Variants in HSF5 observed in about 807,000 individuals in gnomAD.
HSF5 encodes heat shock transcription factor 5.
A neutral mutation model predicts 50.8 loss-of-function variants in HSF5; 5 were observed. The ratio of observed to expected loss-of-function variants is 0.10; its 90% CI spans 0.05 to 0.21. HSF5 has a LOEUF of 0.21. Ranked by LOEUF, HSF5 falls within the 10% of genes least tolerant of loss-of-function variation. The pLI is 1.00. For missense variants in HSF5, 564 were observed against 762.6 expected (o/e 0.74, Z 3.07); for synonymous variants, 307 against 307.4 (o/e 1.00, Z 0.02).
chr17:58,449,544 G>T (rs1974605806), intron 5 of HSF5, among the ~76,000 whole-genome samples: 1 of 150,518 alleles, frequency 6.6e-6, no homozygotes, highest in African/African-American at 2.4e-5. Flanking sequence ...TACAAAACCT[G>T]CAAAAATTAG....
At chr17:58,425,515 G>C (rs1360379152) in intron 5 of HSF5, among the ~76,000 whole-genome samples, 1 of 127,888 alleles carries the variant, frequency 7.8e-6, no homozygotes, top group Non-Finnish European at 1.6e-5. Context: ...AGTGTCCTAT[G>C]ATTGCATCTG....
At chr17:58,423,771 G>A (rs915809466) in intron 5 of HSF5, among the ~76,000 whole-genome samples, 2 of 151,738 alleles carry the variant, frequency 1.3e-5, no homozygotes, top group African/African-American at 2.4e-5. Flanking sequence ...GAGCCACTGC[G>A]CCCGGCCCAG....
chr17:58,459,022 G>T, intron 4 of HSF5, 77 bp from the exon 5 acceptor site: 1 of 1,277,984 alleles, frequency 7.8e-7, no homozygotes, highest in Non-Finnish European at 1.1e-6. Flanking sequence ...TATCAGAGGA[G>T]TTCTATTATG....
chr17:58,466,828 A>C, intron 3 of HSF5, 57 bp downstream of exon 3: 51 of 970,898 alleles, frequency 5.3e-5, no homozygotes, highest in Non-Finnish European at 7.4e-5. Context: ...AAATTTTGCA[A>C]TATCGATAAA....
rs1974812315 is a variant in HSF5, at chr17:58,462,912, T to G, written c.1412A>C (p.Glu471Ala). The change falls in exon 4 of 6, where the codon GAA (glutamate) becomes GCA (alanine). Residue 471 changes from glutamate (E) to alanine (A), a missense_variant. Glu to Ala is a moderately radical substitution (Grantham distance 107). This residue lies in a region of HSF5 where 441 missense variants were observed against 533.6 expected (regional missense o/e 0.83). Coordinates refer to ENST00000323777, the MANE Select transcript of HSF5 (RefSeq NM_001080439.3). ...TGCAGATTCCTGTATTGTGCTATTT[T>G]CAACAGGCTGAGCTGTGTGGATGGT... Reference protein sequence around the residue: ...IYTIHTAQPVENSTIQESAAI... With the variant: ...IYTIHTAQPVANSTIQESAAI... The G allele has an allele frequency of 6.2e-7, 1 of 1,614,086 alleles. No individual in the cohort carries two copies. The highest frequency in any genetic ancestry group is 1.1e-5 in the South Asian group (1 of 91,090).
chr17:58,424,563 G>C (rs1388074579), intron 5 of HSF5, among the ~76,000 whole-genome samples: 1 of 149,490 alleles, frequency 6.7e-6, no homozygotes, highest in East Asian at 2.0e-4. Context: ...AGTGAGCCAA[G>C]ATGGAGCCAC....
intron 5 of HSF5, among the ~76,000 whole-genome samples, chr17:58,430,023 A>G (rs1051689481): frequency 2.0e-5 from 3 of 152,140 alleles, no homozygotes; most frequent in Non-Finnish European, 4.4e-5. Flanking sequence ...AGAAATACCT[A>G]GAAATCTGGT....
Position 58,487,788 on chromosome 17 carries a change from C to A in HSF5, c.487G>T (p.Ala163Ser). 1.3e-6 allele frequency: 2 copies of A among 1,507,032 alleles called. No individual in the cohort carries two copies. The highest frequency in any genetic ancestry group is 1.8e-6 in the Non-Finnish European group (2 of 1,137,128). The allele number at this position is 1,507,032 out of a possible 1,614,324, so 93.4% of individuals were successfully genotyped here. The change falls in exon 1 of 6, where the codon GCC (alanine) becomes TCC (serine). Residue 163 changes from alanine (A) to serine (S), a missense_variant. Ala to Ser is a moderately conservative substitution (Grantham distance 99). Around this residue, in one of 5 missense-constraint regions of HSF5, gnomAD observed 441 missense variants for 533.6 expected, o/e 0.83. Coordinates refer to ENST00000323777, the MANE Select transcript of HSF5 (RefSeq NM_001080439.3). The stretch of plus-strand genomic sequence containing the variant: ...TGCTGGTGCTGCAGTGGCGCGGTGG[C>A]GGCGGAGGCCGAGGTGATGAGCAGC... ...QRLLITSASA[A>S]TAPLQHQQPP...
chr17:58,446,173 A>G (rs1210132648), intron 5 of HSF5, among the ~76,000 whole-genome samples: 1 of 150,912 alleles, frequency 6.6e-6, no homozygotes, highest in Non-Finnish European at 1.5e-5. Flanking sequence ...AATGGGGCAG[A>G]GGCAGAGCAA....
chr17:58,474,318 C>A (rs1186991761), intron 2 of HSF5, among the ~76,000 whole-genome samples: 1 of 152,116 alleles, frequency 6.6e-6, no homozygotes, highest in Non-Finnish European at 1.5e-5. Context: ...CTTCAGAATG[C>A]TCAAAGTAGT....
intron 5 of HSF5, among the ~76,000 whole-genome samples, chr17:58,452,430 C>T (rs1974653768): frequency 1.3e-5 from 2 of 152,176 alleles, no homozygotes; most frequent in Admixed American, 6.5e-5. Flanking sequence ...TTCCTGAACA[C>T]ATAAAATGTA....
chr17:58,430,498 C>T (rs1397430819), intron 5 of HSF5, among the ~76,000 whole-genome samples: 1 of 152,126 alleles, frequency 6.6e-6, no homozygotes, highest in African/African-American at 2.4e-5. Context: ...GCCAGGGGCC[C>T]AGAGAGAACA....
At chr17:58,425,338 G>A (rs988116252) in intron 5 of HSF5, among the ~76,000 whole-genome samples, 3 of 151,744 alleles carry the variant, frequency 2.0e-5, no homozygotes, top group Non-Finnish European at 2.9e-5. Context: ...TCTGGGAGGC[G>A]GAGGTTGCAG....
At chr17:58,459,467 G>A (rs1974760083) in intron 4 of HSF5, among the ~76,000 whole-genome samples, 1 of 152,030 alleles carries the variant, frequency 6.6e-6, no homozygotes, top group South Asian at 2.1e-4. Context: ...CCAGCATGGT[G>A]AAACCCTGTC....
chr17:58,452,261 C>CA (rs1392618906), intron 5 of HSF5, among the ~76,000 whole-genome samples: 2 of 150,024 alleles, frequency 1.3e-5, no homozygotes, highest in South Asian at 2.1e-4. Context: ...AAAACAAAGA[C>CA]AAAAAAACAA....
chr17:58,438,764 G>A (rs1049786326), intron 5 of HSF5, among the ~76,000 whole-genome samples: 3 of 152,028 alleles, frequency 2.0e-5, no homozygotes, highest in African/African-American at 7.2e-5. Context: ...ATTGACTAGA[G>A]TTCAGTAACT....
In HSF5 at chr17:58,462,927, G is replaced by T; in HGVS notation, c.1397C>A (p.Thr466Lys). 6.2e-7 allele frequency: 1 copy of T among 1,614,216 alleles called. No homozygotes were observed. Among genetic ancestry groups the T allele is most frequent in the South Asian group, 1.1e-5 (1 of 91,090 alleles). The part of the protein sequence containing the change: ...QSPEYIYTIH[T>K]AQPVENSTIQ... ...TGTGCTATTTTCAACAGGCTGAGCT[G>T]TGTGGATGGTATAGATGTACTCAGG... is the stretch of plus-strand genomic sequence containing the variant. The change falls in exon 4 of 6, where the codon ACA (threonine) becomes AAA (lysine). Residue 466 changes from threonine to lysine, a missense_variant. Transcript: ENST00000323777.
intron 5 of HSF5, among the ~76,000 whole-genome samples, chr17:58,450,620 G>A (rs1293538619): frequency 3.3e-5 from 5 of 151,192 alleles, no homozygotes; most frequent in Non-Finnish European, 7.4e-5. Flanking sequence ...GGGTGTGGTG[G>A]TGCATGCCTG....
intron 2 of HSF5, chr17:58,476,957 C>A (rs989348832): frequency 6.1e-6 from 4 of 660,930 alleles, no homozygotes; most frequent in Admixed American, 5.5e-5. Flanking sequence ...CCATGTGGCA[C>A]GGTTGGGAGA....
Sources: gnomAD v4.1 joint callset for allele counts (sites outside exome capture counted in the v4.1 genomes callset) on GRCh38, gnomAD v4.1.1 for gene constraint, gnomAD v4.1.1 regional missense constraint, MANE v1.5 for transcripts, NCBI Gene and HGNC (gene_info 2026-07-23, HGNC 2026-07-21) for gene names.